The following SCFD2 variants were observed in gnomAD, a reference collection of about 807,000 sequenced individuals.
SCFD2 encodes sec1 family domain-containing protein 2.
A neutral mutation model predicts 58.9 loss-of-function variants in SCFD2; 54 were observed. The ratio of observed to expected loss-of-function variants is 0.92; its 90% confidence interval spans 0.74 to 1.15. The LOEUF (loss-of-function observed/expected upper bound fraction) is 1.15. SCFD2 is among the 50% of genes most tolerant of loss of function. The pLI, the probability that SCFD2 is intolerant of heterozygous loss-of-function variation, is 0.00. For missense variants in SCFD2, 805 were observed against 836.6 expected (o/e 0.96, Z 0.47); for synonymous variants, 321 against 335.9 (o/e 0.96, Z 0.49).
rs115198394 is a variant in SCFD2 at position 52,944,478 on chromosome 4, T to C, written c.1562-23608A>G. On this transcript the variant is annotated intron_variant, in intron 5 of 8. Coordinates refer to ENST00000401642, the MANE Select transcript of SCFD2 (RefSeq NM_152540.4). Reference sequence around the variant, plus strand: ...GAGACCATAAGACAGAAAAAGATAATAGCTAACTATATTATTCAGTTCTTT... The same window carrying C: ...GAGACCATAAGACAGAAAAAGATAACAGCTAACTATATTATTCAGTTCTTT... Among the ~76,000 whole-genome samples the C allele has an allele frequency of 4.2e-3, 632 of 152,252 alleles. 7 individuals are homozygous for C. The highest frequency in any genetic ancestry group is 0.014 in the African/African-American group (602 of 41,544).
chr4:52,955,895 G>A (rs1720700342), intron 5 of SCFD2: 1 of 357,146 alleles, frequency 2.8e-6, no homozygotes, highest in Non-Finnish European at 5.5e-6. Flanking sequence ...TTGAAGGAAA[G>A]GCAGCTACTT....
chr4:53,231,171 G>C (rs1560399247), intron 4 of SCFD2, among the ~76,000 whole-genome samples: 1 of 151,856 alleles, frequency 6.6e-6, no homozygotes, highest in Admixed American at 6.6e-5. Flanking sequence ...TTGAAAACTA[G>C]TTTTTTAAAA....
chr4:52,988,467 T>C (rs1721547376), intron 5 of SCFD2, among the ~76,000 whole-genome samples: 1 of 152,212 alleles, frequency 6.6e-6, no homozygotes, highest in South Asian at 2.1e-4. Flanking sequence ...CTCTGTGTCC[T>C]TGGGCTCCAG....
At chr4:53,115,958 G>A (rs1577741019) in intron 5 of SCFD2, among the ~76,000 whole-genome samples, 1 of 151,942 alleles carries the variant, frequency 6.6e-6, no homozygotes, top group African/African-American at 2.4e-5. Context: ...TTTATTTTGG[G>A]TACCTACATC....
chr4:53,154,569 A>T (rs1202479761), intron 4 of SCFD2, among the ~76,000 whole-genome samples: 2 of 152,128 alleles, frequency 1.3e-5, no homozygotes, highest in Non-Finnish European at 2.9e-5. Flanking sequence ...AAATATCCAA[A>T]CTATATCATC....
chr4:53,349,370 C>T (rs1236892373), intron 2 of SCFD2, among the ~76,000 whole-genome samples: 1 of 152,236 alleles, frequency 6.6e-6, no homozygotes, highest in Non-Finnish European at 1.5e-5. Flanking sequence ...CATCGTGCAT[C>T]AAGGAGCTTA....
At chr4:52,949,339 A>G (rs907477758) in intron 5 of SCFD2, 1 of 152,204 alleles carries the variant, frequency 6.6e-6, no homozygotes, top group African/African-American at 2.4e-5. Flanking sequence ...CAATGTGTAC[A>G]TTATGGAAGT....
At chr4:53,354,550 C>T (rs895361023) in intron 1 of SCFD2, among the ~76,000 whole-genome samples, 1 of 152,156 alleles carries the variant, frequency 6.6e-6, no homozygotes, top group African/African-American at 2.4e-5. Context: ...CTAAAGGGCT[C>T]CTCAAGTGTG....
At chr4:52,994,010 C>T (rs563173297) in intron 5 of SCFD2, among the ~76,000 whole-genome samples, 61 of 152,346 alleles carry the variant, frequency 4.0e-4, no homozygotes, top group Middle Eastern at 6.8e-3. Context: ...AGGCTGGTCC[C>T]GCTCTAGACA....
chr4:52,921,135 T>G (rs1267567353), intron 5 of SCFD2, among the ~76,000 whole-genome samples: 6 of 152,102 alleles, frequency 3.9e-5, no homozygotes, highest in Admixed American at 3.9e-4. Flanking sequence ...CTGGCTTCCA[T>G]CCCTAGACTG....
chr4:53,125,092 A>G (rs1257308150), intron 5 of SCFD2, among the ~76,000 whole-genome samples: 2 of 152,174 alleles, frequency 1.3e-5, no homozygotes, highest in Admixed American at 1.3e-4. Flanking sequence ...TCGCAAATCA[A>G]TACTGAGGCA....
chr4:53,305,828 C>G (rs1306742390), intron 3 of SCFD2, among the ~76,000 whole-genome samples: 1 of 152,054 alleles, frequency 6.6e-6, no homozygotes, highest in Non-Finnish European at 1.5e-5. Context: ...GTTCTAAGAC[C>G]AAGAAGTTTG....
chr4:53,217,953 C>G lies in SCFD2; in HGVS notation c.1311+55873G>C, dbSNP rs538734094. Among the ~76,000 whole-genome samples, 70 of 152,252 alleles carry G rather than the reference C, an allele frequency of 4.6e-4. 1 individual carries two copies. Among genetic ancestry groups the G allele is most frequent in the East Asian group, 3.9e-4 (2 of 5,182 alleles). ...CTGGGTTGAAAATCATTTTCTTTAA[C>G]AATGTTGAATATTGGCCCCCACTCT... On this transcript the variant is annotated intron_variant, in intron 4 of 8. Transcript: ENST00000401642.
chr4:53,125,936 C>G (rs904929419), intron 5 of SCFD2, among the ~76,000 whole-genome samples: 6 of 152,086 alleles, frequency 3.9e-5, no homozygotes, highest in African/African-American at 1.4e-4. Flanking sequence ...CAGAAGCTGG[C>G]TGAGGACAGA....
Position 53,247,879 on chromosome 4 carries a change from A to T in SCFD2, c.1311+25947T>A, listed in dbSNP as rs547482291. On this transcript the variant is annotated intron_variant, in intron 4 of 8. Coordinates refer to ENST00000401642, the MANE Select transcript of SCFD2 (RefSeq NM_152540.4). ...CGAGACTCCGTCTCAAAAAAAAAAA[A>T]AAAAAAAAAAAAAATAACAAGATCA... Among the ~76,000 whole-genome samples the T allele has an allele frequency of 8.4e-3, 1,268 of 151,038 alleles. 16 individuals are homozygous for T. Among genetic ancestry groups the T allele is most frequent in the African/African-American group, 0.029 (1,204 of 41,210 alleles).
intron 5 of SCFD2, among the ~76,000 whole-genome samples, chr4:53,121,664 C>T (rs1219378885): frequency 1.3e-5 from 2 of 152,186 alleles, no homozygotes; most frequent in African/African-American, 4.8e-5. Context: ...GCGGTGCTTA[C>T]GTAACAGACC....
At chr4:52,891,274 C>G (rs1718871733) in intron 7 of SCFD2, among the ~76,000 whole-genome samples, 1 of 152,064 alleles carries the variant, frequency 6.6e-6, no homozygotes. Context: ...ATCAGTGAAC[C>G]AAAGAGAAAA....
intron 3 of SCFD2, among the ~76,000 whole-genome samples, chr4:53,313,105 GA>G (rs1461481466): frequency 1.3e-5 from 2 of 152,030 alleles, no homozygotes; most frequent in Admixed American, 1.3e-4. Context: ...AAAAAAACAA[GA>G]AATAGAAAAA....
At chr4:53,054,655 G>C (rs80259101) in intron 5 of SCFD2, among the ~76,000 whole-genome samples, 1 of 147,704 alleles carries the variant, frequency 6.8e-6, no homozygotes, top group Admixed American at 6.7e-5. Context: ...TTTTTTTTTT[G>C]TTTGTTTTTG....
Sources: gnomAD v4.1 joint callset for allele counts (sites outside exome capture counted in the v4.1 genomes callset) on GRCh38, gnomAD v4.1.1 for gene constraint, MANE v1.5 for transcripts, NCBI Gene and HGNC (gene_info 2026-07-23, HGNC 2026-07-21) for gene names.